Variants in RFPL1 observed in about 807,000 individuals in gnomAD.
RFPL1 encodes ret finger protein-like 1.
A neutral mutation model predicts 9.6 loss-of-function variants in RFPL1; 6 were observed. That is an observed-to-expected ratio of 0.62 (90% confidence interval 0.34 to 1.23). The LOEUF (loss-of-function observed/expected upper bound fraction) is 1.23, where lower values mean the gene tolerates loss of function less well. Among genes scored for constraint, RFPL1 ranks in the 50% most tolerant of loss-of-function variants. The pLI is 0.03. For synonymous variants in RFPL1, 145 were observed against 149.4 expected (o/e 0.97, Z 0.22); for missense variants, 352 against 398.4 (o/e 0.88, Z 0.99).
the RFPL1 span, among the ~76,000 whole-genome samples, chr22:29,400,906 T>G: frequency 1.3e-5 from 2 of 152,186 alleles, no homozygotes; most frequent in Non-Finnish European, 2.9e-5. Flanking sequence ...CTGTGCTAGG[T>G]GAGGCCATTA....
At chr22:29,422,231 G>A in the RFPL1 span, among the ~76,000 whole-genome samples, 1 of 152,284 alleles carries the variant, frequency 6.6e-6, no homozygotes, top group East Asian at 1.9e-4. Flanking sequence ...ATCACTTGAG[G>A]TCAGGAGTTT....
the RFPL1 span, among the ~76,000 whole-genome samples, chr22:29,406,219 T>C: frequency 6.9e-6 from 1 of 145,324 alleles, no homozygotes; most frequent in East Asian, 2.1e-4. Flanking sequence ...TGAAGTCACC[T>C]TCCACCCTCC....
At chr22:29,388,776 G>T in the RFPL1 span, among the ~76,000 whole-genome samples, 1 of 152,262 alleles carries the variant, frequency 6.6e-6, no homozygotes, top group Non-Finnish European at 1.5e-5. Flanking sequence ...AGCGTGAGGG[G>T]GCCGGGCAAG....
the RFPL1 span, among the ~76,000 whole-genome samples, chr22:29,399,758 T>A: frequency 6.6e-6 from 1 of 152,226 alleles, no homozygotes; most frequent in Non-Finnish European, 1.5e-5. Flanking sequence ...ACAGGGTTTG[T>A]AAACATTCAG....
the RFPL1 span, among the ~76,000 whole-genome samples, chr22:29,416,679 A>G: frequency 0.049 from 7,522 of 152,294 alleles, 560 homozygotes; most frequent in African/African-American, 0.16. Flanking sequence ...TCTGGCACCC[A>G]GTAAGAACCA....
At chr22:29,441,449 C>G in intron 1 of RFPL1, 93 bp from the exon 2 acceptor site, 1 of 1,431,874 alleles carries the variant, frequency 7.0e-7, no homozygotes, top group Non-Finnish European at 9.5e-7. Context: ...TTAAAGAAAC[C>G]AAAGTCAAGA....
At chr22:29,420,641 T>G in the RFPL1 span, among the ~76,000 whole-genome samples, 120 of 131,654 alleles carry the variant, frequency 9.1e-4, 1 homozygote, top group African/African-American at 2.9e-3. Flanking sequence ...TTGCTTTTTT[T>G]TTTTTTTTTT....
At chr22:29,415,026 GC>G in the RFPL1 span, among the ~76,000 whole-genome samples, 1 of 152,060 alleles carries the variant, frequency 6.6e-6, no homozygotes, top group Non-Finnish European at 1.5e-5. Flanking sequence ...ATAAAGGCAC[GC>G]CCGTTCGTCA....
chr22:29,417,939 T>A, the RFPL1 span, among the ~76,000 whole-genome samples: 1 of 90,420 alleles, frequency 1.1e-5, no homozygotes, highest in Non-Finnish European at 2.2e-5. Flanking sequence ...CCTTGAATGG[T>A]TTTTTTTTTT....
upstream of RFPL1, among the ~76,000 whole-genome samples, chr22:29,434,089 C>T (rs543919404): frequency 1.1e-4 from 16 of 152,170 alleles, no homozygotes; most frequent in South Asian, 3.3e-3. Flanking sequence ...TCAGCTCAAG[C>T]GATCCTCCCA....
chr22:29,401,164 G>T, the RFPL1 span, among the ~76,000 whole-genome samples: 2 of 152,164 alleles, frequency 1.3e-5, no homozygotes, highest in South Asian at 2.1e-4. Flanking sequence ...TATGACAATA[G>T]AATTTAAATG....
At chr22:29,439,530 G>C in intron 1 of RFPL1, 1 of 219,356 alleles carries the variant, frequency 4.6e-6, no homozygotes, top group Non-Finnish European at 9.1e-6. Flanking sequence ...CTACTTGGGG[G>C]TTGAGGCAGG....
At chr22:29,401,274 T>G in the RFPL1 span, among the ~76,000 whole-genome samples, 1 of 152,262 alleles carries the variant, frequency 6.6e-6, no homozygotes, top group Non-Finnish European at 1.5e-5. Context: ...AATTGTCATA[T>G]TCTTAGTATG....
At chr22:29,390,822 T>C in the RFPL1 span, among the ~76,000 whole-genome samples, 1 of 150,602 alleles carries the variant, frequency 6.6e-6, no homozygotes, top group Non-Finnish European at 1.5e-5. Context: ...ATGGTCTGGC[T>C]CTCCTGACCT....
chr22:29,420,634 C>CTTTTTTTTTTTTTTTTTT, the RFPL1 span, among the ~76,000 whole-genome samples: 12 of 53,436 alleles, frequency 2.2e-4, 6 homozygotes, highest in African/African-American at 4.8e-4. Context: ...TGGTTTTTTG[C>CTTTTTTTTTTTTTTTTTT]TTTTTTTTTT....
the RFPL1 span, among the ~76,000 whole-genome samples, chr22:29,392,377 G>GC: frequency 1.3e-5 from 1 of 75,732 alleles, no homozygotes; most frequent in Non-Finnish European, 2.6e-5. Context: ...ACCACACCTG[G>GC]CTTTTTTTTT....
At chr22:29,388,633 G>A in the RFPL1 span, 1 of 152,392 alleles carries the variant, frequency 6.6e-6, no homozygotes, top group East Asian at 1.9e-4. Context: ...GTACAACCCT[G>A]GCGGGGGTGG....
At chr22:29,420,626 GTTTTTTGCTTTTTTT>G in the RFPL1 span, among the ~76,000 whole-genome samples, 4 of 82,586 alleles carry the variant, frequency 4.8e-5, no homozygotes, top group Non-Finnish European at 6.4e-5. Flanking sequence ...ACTGCAGATG[GTTTTTTGCTTTTTTT>G]TTTTTTTTTT....
chr22:29,420,594 C>G, the RFPL1 span, among the ~76,000 whole-genome samples: 1 of 143,284 alleles, frequency 7.0e-6, no homozygotes, highest in African/African-American at 2.6e-5. Flanking sequence ...CTCCCAAAGC[C>G]TTGGGATTAC....
Sources: gnomAD v4.1 joint callset for allele counts (sites outside exome capture counted in the v4.1 genomes callset) on GRCh38, gnomAD v4.1.1 for gene constraint, MANE v1.5 for transcripts, NCBI Gene and HGNC (gene_info 2026-07-23, HGNC 2026-07-21) for gene names.